SNX32: variants seen among roughly 807,000 people sequenced by gnomAD.
SNX32 encodes sorting nexin-32.
Under a neutral mutation model 57.0 loss-of-function variants are expected in SNX32, and 58 were observed. The ratio of observed to expected loss-of-function variants is 1.02; its 90% CI spans 0.82 to 1.27. The LOEUF (loss-of-function observed/expected upper bound fraction) is 1.27, where lower values mean the gene tolerates loss of function less well. SNX32 is among the 50% of genes most tolerant of loss of function. The probability of loss-of-function intolerance (pLI) is 0.00; values close to 1 mark genes in which losing one functional copy is unlikely to be tolerated. For missense variants in SNX32, 589 were observed against 541.2 expected, an observed-to-expected ratio of 1.09 and a Z score of -0.88; for synonymous variants, 262 against 220.4, an observed-to-expected ratio of 1.19 and a Z score of -1.67.
At chr11:65,850,659 A>T in intron 5 of SNX32, 92 bp from the exon 6 acceptor site, 1 of 1,567,284 alleles carries the variant, frequency 6.4e-7, no homozygotes, top group Non-Finnish European at 8.7e-7. Flanking sequence ...AAGTGGGCCC[A>T]ATCCTGTGTC....
At position 65,853,024 on chromosome 11, in the gene SNX32, G is replaced by A; in HGVS notation, c.1158+66G>A. On this transcript the variant is annotated intron_variant, in intron 12 of 12. Transcript: ENST00000308342. ...ACCTCCCACCTCCCTCCCTCCCCCAGGCACCAGGGTGTGCGTGCATGTGAG... is the reference window on the plus strand; with the variant it reads ...ACCTCCCACCTCCCTCCCTCCCCCAAGCACCAGGGTGTGCGTGCATGTGAG... 5.2e-6 allele frequency: 8 copies of A among 1,544,084 alleles called. No individual in the cohort carries two copies. The South Asian group carries it at 6.7e-5, about 13-fold the overall frequency.
At chr11:65,850,960 C>T in intron 6 of SNX32, 95 bp from the exon 7 acceptor site, 1 of 1,497,176 alleles carries the variant, frequency 6.7e-7, no homozygotes, top group African/African-American at 1.4e-5. Flanking sequence ...TGGGGCCTGG[C>T]CTGGTTTGGA....
chr11:65,847,049 C>T (rs1244723921), intron 1 of SNX32, among the ~76,000 whole-genome samples: 1 of 151,098 alleles, frequency 6.6e-6, no homozygotes, highest in African/African-American at 2.4e-5. Flanking sequence ...ACTCTGTCAC[C>T]TAGGTTGGAG....
intron 4 of SNX32, 38 bp from the exon 5 acceptor site, chr11:65,850,393 G>T (rs1192787452): frequency 5.6e-6 from 9 of 1,613,334 alleles, no homozygotes; most frequent in Non-Finnish European, 6.8e-6. Flanking sequence ...GGATGATGGG[G>T]GCTGAGGAGG....
At chr11:65,849,789 C>G in intron 2 of SNX32, 131 bp from the exon 3 acceptor site, 1 of 792,852 alleles carries the variant, frequency 1.3e-6, no homozygotes, top group South Asian at 1.8e-5. Context: ...TAAATGAAAT[C>G]ATGCACACCT....
At chr11:65,840,622 G>C (rs1858815008) in intron 1 of SNX32, among the ~76,000 whole-genome samples, 1 of 152,092 alleles carries the variant, frequency 6.6e-6, no homozygotes, top group Admixed American at 6.6e-5. Context: ...GGGCAACATA[G>C]TGAGAACCTA....
intron 12 of SNX32, 50 bp downstream of exon 12, chr11:65,853,008 C>T: frequency 6.3e-7 from 1 of 1,576,808 alleles, no homozygotes; most frequent in Non-Finnish European, 8.7e-7. Context: ...CACCTCCCAC[C>T]TCCCTCCCTC....
intron 5 of SNX32, 42 bp downstream of exon 5, chr11:65,850,596 G>A: frequency 6.4e-7 from 1 of 1,573,400 alleles, no homozygotes; most frequent in Non-Finnish European, 8.6e-7. Context: ...TGGGCCAGGA[G>A]TCTACCTTGG....
In SNX32 at chr11:65,839,225, A is replaced by ATTTTTTTTTTTTTTT. The variant is rs1168882508; in HGVS notation, c.36+5132_36+5146dup. Among the ~76,000 whole-genome samples, 250 of 27,628 alleles carry ATTTTTTTTTTTTTTT rather than the reference A, an allele frequency of 9.0e-3. 73 individuals carry two copies. Among genetic ancestry groups the ATTTTTTTTTTTTTTT allele is most frequent in the East Asian group, 0.058 (39 of 668 alleles). The allele number at this position is 27,628 out of a possible 152,430, so 18.1% of individuals were successfully genotyped here. A position where few individuals can be genotyped will look rare whatever the true frequency, so the allele number is the denominator to read the frequency against. On this transcript the variant is annotated intron_variant, in intron 1 of 12. Transcript: ENST00000308342. ...CACCACGCCCAGCTAATTTTTTTGT[A>ATTTTTTTTTTTTTTT]TTTTTTTTTTTTTTTTTTTTTTGAG... is the stretch of plus-strand genomic sequence containing the variant.
Position 65,851,320 on chromosome 11 carries a change from C to T in SNX32, c.710-8C>T. On this transcript the variant is annotated splice_polypyrimidine_tract_variant and splice_region_variant and intron_variant, in intron 7 of 12. Transcript: ENST00000308342. ...GTAGGGGCTCTGATGGGGGCTGTTC[C>T]CCAACAGGCCTGGCAGACGATTATA... 1 of 1,614,034 alleles carries T rather than the reference C, an allele frequency of 6.2e-7. No homozygotes were observed. The highest frequency in any genetic ancestry group is 1.1e-5 in the South Asian group (1 of 91,090).
intron 1 of SNX32, among the ~76,000 whole-genome samples, chr11:65,848,919 G>T (rs1228118982): frequency 1.3e-5 from 2 of 152,116 alleles, no homozygotes; most frequent in Non-Finnish European, 2.9e-5. Flanking sequence ...AAGGCAGGTG[G>T]ATCACTTGAG....
At position 65,850,474 on chromosome 11, in the gene SNX32, G is replaced by C; in HGVS notation, c.418G>C (p.Val140Leu). ...TAAGAAGACAGTTGCGATGCACGAA[G>C]TCTTTCTGCAGCGCCTGGCGGCCCA... ...IFKKTVAMHE[V>L]FLQRLAAHPT... Residue 140 changes from valine to leucine, a missense_variant, in exon 5 of 13, where the codon GTC becomes CTC. By Grantham distance (32) the Val-to-Leu change is conservative. Transcript: ENST00000308342. 1 of 1,614,210 alleles carries C rather than the reference G, an allele frequency of 6.2e-7. No homozygotes were observed. Among genetic ancestry groups the C allele is most frequent in the South Asian group, 1.1e-5 (1 of 91,086 alleles).
rs191957914 is a variant in SNX32, at chr11:65,846,359, C to T, written c.37-3119C>T. On this transcript the variant is annotated intron_variant, in intron 1 of 12. Coordinates refer to ENST00000308342, the MANE Select transcript of SNX32 (RefSeq NM_152760.3). ...CCGAGGCGGGCGGATCACCTGAGGT[C>T]AGGAGTTCCAGACCAGCTTCAACAA... Among the ~76,000 whole-genome samples, 929 of 151,596 alleles carry T rather than the reference C, an allele frequency of 6.1e-3. 10 individuals carry two copies. Among genetic ancestry groups the T allele is most frequent in the East Asian group, 0.026 (134 of 5,114 alleles).
In SNX32 at chr11:65,852,917, A is replaced by G; in HGVS notation, c.1117A>G (p.Asn373Asp). The G allele has an allele frequency of 1.2e-6, 2 of 1,614,072 alleles. No homozygotes were observed. The highest frequency in any genetic ancestry group is 1.7e-6 in the Non-Finnish European group (2 of 1,179,982). The change falls in exon 12 of 13, where the codon AAT becomes GAT. Residue 373 changes from asparagine (N) to aspartate (D), a missense_variant. Coordinates refer to ENST00000308342, the MANE Select transcript of SNX32 (RefSeq NM_152760.3). ...KSRRVSSFRK[N>D]LIELAELELK... ...CCGCCGGGTCTCCTCTTTTCGAAAGAATCTCATTGAGCTGGCAGAGCTGGA... is the reference window on the plus strand; with the variant it reads ...CCGCCGGGTCTCCTCTTTTCGAAAGGATCTCATTGAGCTGGCAGAGCTGGA...
chr11:65,851,152 C>G lies in SNX32; in HGVS notation c.701C>G (p.Ala234Gly). Residue 234 changes from alanine to glycine, a missense_variant, in exon 7 of 13, where the codon GCC (alanine) becomes GGC (glycine). Transcript: ENST00000308342. ...ACLRADRVMR[A>G]HKCLADDYIP... ...CTGCGGGCCGACCGCGTCATGCGCG[C>G]CCACAAGTGTACGCAGGGCCCAAGG... 1 of 1,612,558 alleles carries G rather than the reference C, an allele frequency of 6.2e-7. No homozygotes were observed. Among genetic ancestry groups the G allele is most frequent in the Non-Finnish European group, 8.5e-7 (1 of 1,179,942 alleles).
chr11:65,852,697 C>A lies in SNX32; in HGVS notation c.980C>A (p.Ala327Glu), dbSNP rs747306445. The A allele has an allele frequency of 1.3e-6, 2 of 1,596,818 alleles. No homozygotes were observed. The highest frequency in any genetic ancestry group is 2.3e-5 in the East Asian group (1 of 44,298). The stretch of plus-strand genomic sequence containing the variant: ...AATGCCAACAAGGCGCTGGACAAGG[C>A]GCGCACCAGGAACCGGGAGGTGCGG... ...YENANKALDK[A>E]RTRNREVRPA... Residue 327 changes from alanine to glutamate, a missense_variant, in exon 11 of 13, where the codon GCG becomes GAG. Ala to Glu is a moderately radical substitution (Grantham distance 107). Coordinates refer to ENST00000308342, the MANE Select transcript of SNX32 (RefSeq NM_152760.3).
chr11:65,850,145 A>G lies in SNX32; in HGVS notation c.253-5A>G. The G allele has an allele frequency of 6.2e-7, 1 of 1,614,044 alleles. No individual in the cohort carries two copies. Reference sequence around the variant, plus strand: ...GCCTCCCAGCTCCGTCCCTCCTTTGAGCAGATCCCCCCAGCCCCTCCGAGG... The same window carrying G: ...GCCTCCCAGCTCCGTCCCTCCTTTGGGCAGATCCCCCCAGCCCCTCCGAGG... On this transcript the variant is annotated splice_polypyrimidine_tract_variant and splice_region_variant and intron_variant, in intron 3 of 12. Transcript: ENST00000308342.
Position 65,850,018 on chromosome 11 carries a change from C to T in SNX32, c.240C>T (p.Tyr80=), listed in dbSNP as rs146369776. The change falls in exon 3 of 13, where the codon TAC becomes TAT. Residue 80 remains tyrosine, a synonymous_variant. Transcript: ENST00000308342. ...ATGCCTACGTGGAGAATGAGGAGTA[C>T]GCCGGCCTCATCGTGAGGAGGGGCT... ...LHDAYVENEE[Y]AGLIIPPAPP... The T allele has an allele frequency of 1.5e-5, 24 of 1,614,002 alleles. No individual in the cohort carries two copies. The East Asian group carries it at 4.7e-4, about 31-fold the overall frequency.
intron 8 of SNX32, 115 bp from the exon 9 acceptor site, chr11:65,851,525 G>C: frequency 2.6e-6 from 4 of 1,516,496 alleles, no homozygotes; most frequent in Non-Finnish European, 3.7e-6. Context: ...CTCCTGTTGG[G>C]GGATGGTGTT....
Sources: allele counts gnomAD v4.1 joint callset (sites outside exome capture counted in the v4.1 genomes callset), GRCh38; gene constraint gnomAD v4.1.1; transcripts MANE v1.5; gene names NCBI Gene and HGNC (gene_info 2026-07-23, HGNC 2026-07-21).